BCAR1: variants seen among roughly 807,000 people sequenced by gnomAD.
BCAR1 encodes the protein breast cancer anti-estrogen resistance protein 1.
BCAR1 carries 30 observed loss-of-function variants against 67.6 expected under a neutral mutation model. The ratio of observed to expected loss-of-function variants is 0.44; its 90% CI spans 0.33 to 0.60. BCAR1 has a LOEUF of 0.60. BCAR1 is among the 20% of genes least tolerant of loss of function. BCAR1 has a pLI of 0.02. For synonymous variants in BCAR1, 626 were observed against 556.7 expected (o/e 1.12, Z -1.75); for missense variants, 1,313 against 1,222.3 (o/e 1.07, Z -1.11).
At position 75,243,484 on chromosome 16, in the gene BCAR1, C is replaced by A. The variant is rs775187545; in HGVS notation, c.13-394G>T. 10 of 536,016 alleles carry A rather than the reference C, an allele frequency of 1.9e-5. No individual in the cohort carries two copies. In the East Asian group the frequency reaches 4.6e-4, roughly 24 times the overall value. 33.2% of individuals were successfully genotyped at this position (536,016 alleles called of 1,614,324 possible). ...AAACAAATAGCAAATGGTTCTCTCT[C>A]GAGGTGCACGAAAATAATCTGACAA... is the stretch of plus-strand genomic sequence containing the variant. On this transcript the variant is annotated intron_variant, in intron 1 of 6. Transcript: ENST00000162330.
At chr16:75,250,915 G>A (rs1017802371) in intron 1 of BCAR1, 9 of 985,486 alleles carry the variant, frequency 9.1e-6, no homozygotes, top group Non-Finnish European at 1.1e-5. Flanking sequence ...CTCCGCTCCC[G>A]GAACCCCGCG....
chr16:75,247,943 A>C, intron 1 of BCAR1: 1 of 791,396 alleles, frequency 1.3e-6, no homozygotes, highest in Non-Finnish European at 2.2e-6. Context: ...ACTTGTCACT[A>C]AGTTCACAAT....
rs966207615 is a variant in BCAR1, at chr16:75,229,839, A to G, written c.2285T>C (p.Val762Ala). 49 of 1,613,294 alleles carry G rather than the reference A, an allele frequency of 3.0e-5. No homozygotes were observed. Among genetic ancestry groups the G allele is most frequent in the Non-Finnish European group, 4.1e-5 (48 of 1,179,996 alleles). The part of the protein sequence containing the change: ...EANLTTLTNA[V>A]DAFFTAVATN... ...GGCCACGGCGGTAAAGAAGGCGTCC[A>G]CGGCGTTGGTCAGTGTGGTCAGGTT... The change falls in exon 7 of 7, where the codon GTG becomes GCG. Residue 762 changes from valine (V) to alanine (A), a missense_variant. By Grantham distance (64) the Val-to-Ala change is moderately conservative (BLOSUM62 0). Coordinates refer to ENST00000162330, the MANE Select transcript of BCAR1 (RefSeq NM_014567.5).
chr16:75,238,284 C>G (rs1003858564), intron 2 of BCAR1: 28 of 1,156,326 alleles, frequency 2.4e-5, no homozygotes, highest in Non-Finnish European at 2.7e-5. Context: ...GATTCTCCAG[C>G]CCCCGGGCAC....
At chr16:75,243,542 A>G in intron 1 of BCAR1, 1 of 489,066 alleles carries the variant, frequency 2.0e-6, no homozygotes, top group Non-Finnish European at 4.0e-6. Context: ...AAAAATGAAC[A>G]ACAATAAGAC....
rs1406403194 is a variant in BCAR1 at position 75,238,820 on chromosome 16, C to T, written c.634-1476G>A. ...CCTGCCAACAGCGGGGCAGGCGGGG[C>T]GGAGGGACGTGGCAGGTTGGCTGGG... On this transcript the variant is annotated intron_variant, in intron 2 of 6. Coordinates refer to ENST00000162330, the MANE Select transcript of BCAR1 (RefSeq NM_014567.5). 1.7e-5 allele frequency: 17 copies of T among 985,304 alleles called. 1 individual carries two copies. The highest frequency in any genetic ancestry group is 1.9e-5 in the Non-Finnish European group (16 of 829,928). The allele number at this position is 985,304 out of a possible 1,614,324, so 61.0% of individuals were successfully genotyped here.
chr16:75,249,832 G>C (rs998421663), intron 1 of BCAR1: 1 of 152,258 alleles, frequency 6.6e-6, no homozygotes, highest in African/African-American at 2.4e-5. Flanking sequence ...AAGGACCAGA[G>C]CTCCCCCAAT....
chr16:75,236,001 G>C lies in BCAR1; in HGVS notation c.913-15C>G, dbSNP rs750642190. On this transcript the variant is annotated splice_polypyrimidine_tract_variant and intron_variant, in intron 4 of 6. Coordinates refer to ENST00000162330, the MANE Select transcript of BCAR1 (RefSeq NM_014567.5). ...ACGTCGTAGACCTGGGGGACAAGCG[G>C]TGGTCAAGACTGTCCATCTGTCCAT... The C allele has an allele frequency of 5.8e-6, 9 of 1,558,690 alleles. No individual in the cohort carries two copies. The highest frequency in any genetic ancestry group is 7.8e-6 in the Non-Finnish European group (9 of 1,151,546).
rs917561486 is a variant in BCAR1, at chr16:75,237,534, A to G, written c.634-190T>C. On this transcript the variant is annotated intron_variant, in intron 2 of 6. Transcript: ENST00000162330. ...CCTTCCTCTAGCAGAACGCAGTGCCAGGTACGGCAAGAACTCTGGGTTTTA... is the reference window on the plus strand; with the variant it reads ...CCTTCCTCTAGCAGAACGCAGTGCCGGGTACGGCAAGAACTCTGGGTTTTA... 8 of 636,894 alleles carry G rather than the reference A, an allele frequency of 1.3e-5. No individual in the cohort carries two copies. In the African/African-American group the frequency reaches 1.5e-4, roughly 12 times the overall value. 39.5% of individuals were successfully genotyped at this position (636,894 alleles called of 1,614,324 possible).
chr16:75,266,011 C>T (rs1315026256), intron 1 of BCAR1: 5 of 1,027,686 alleles, frequency 4.9e-6, no homozygotes, highest in Admixed American at 5.7e-5. Context: ...CGCGCATGCG[C>T]CGCCCGCGCC....
chr16:75,242,322 A>C lies in BCAR1; in HGVS notation c.633+148T>G, dbSNP rs573727909. ...TCCCCGGACAAATGAACACCCCCCA[A>C]ACACTCACTTCCCACTTTGACCCCA... is the stretch of plus-strand genomic sequence containing the variant. On this transcript the variant is annotated intron_variant, in intron 2 of 6. Transcript: ENST00000162330. 84 of 1,251,886 alleles carry C rather than the reference A, an allele frequency of 6.7e-5. No homozygotes were observed. In the African/African-American group the frequency reaches 1.0e-3, roughly 16 times the overall value. The allele number at this position is 1,251,886 out of a possible 1,614,324, so 77.5% of individuals were successfully genotyped here.
chr16:75,228,842 G>A lies in BCAR1; in HGVS notation c.*669C>T, dbSNP rs1349229775. 1 of 152,374 alleles carries A rather than the reference G, an allele frequency of 6.6e-6. No individual in the cohort carries two copies. Among genetic ancestry groups the A allele is most frequent in the South Asian group, 2.1e-4 (1 of 4,842 alleles). 9.4% of individuals were successfully genotyped at this position (152,374 alleles called of 1,614,324 possible). A position where few individuals can be genotyped will look rare whatever the true frequency, so the allele number is the denominator to read the frequency against. The stretch of plus-strand genomic sequence containing the variant: ...GCTCTGCCCTGGCTCCCAGGGCCTT[G>A]TGGCCAGCTGCAGGCCTCACCCCGC... On this transcript the variant is annotated 3_prime_UTR_variant, in exon 7 of 7. Transcript: ENST00000162330.
chr16:75,235,291 G>A lies in BCAR1; in HGVS notation c.1608C>T (p.Ala536=). 3 of 1,606,070 alleles carry A rather than the reference G, an allele frequency of 1.9e-6. 1 individual carries two copies. The highest frequency in any genetic ancestry group is 8.5e-7 in the Non-Finnish European group (1 of 1,174,698). ...GCTGCCGGCTAAGCTTGGCATGCAG[G>A]GCACGGTCAGATGTGTGGGCAGCAT... ...VGNAAHTSDR[A]LHAKLSRQLQ... is the part of the protein sequence containing the mutation. The change falls in exon 5 of 7, where the codon GCC becomes GCT. Residue 536 remains alanine (A), a synonymous_variant. Coordinates refer to ENST00000162330, the MANE Select transcript of BCAR1 (RefSeq NM_014567.5).
intron 6 of BCAR1, among the ~76,000 whole-genome samples, chr16:75,232,710 T>C (rs1597162120): frequency 6.6e-6 from 1 of 152,288 alleles, no homozygotes; most frequent in South Asian, 2.1e-4. Context: ...GCCACCGTTC[T>C]GAGATGTCAA....
intron 6 of BCAR1, 69 bp from the exon 7 acceptor site, chr16:75,230,092 G>C: frequency 6.7e-7 from 1 of 1,502,202 alleles, no homozygotes; most frequent in Non-Finnish European, 8.9e-7. Flanking sequence ...CCGAGACCTG[G>C]GCACCCTGGG....
chr16:75,249,308 T>C (rs1390862093), intron 1 of BCAR1: 3 of 152,212 alleles, frequency 2.0e-5, no homozygotes, highest in African/African-American at 4.8e-5. Context: ...TCAAGGAGGC[T>C]AGACCCACCC....
chr16:75,256,964 C>G (rs183800392), intron 1 of BCAR1, among the ~76,000 whole-genome samples: 1 of 152,188 alleles, frequency 6.6e-6, no homozygotes, highest in African/African-American at 2.4e-5. Context: ...ACCAGGTCCT[C>G]CTCCTGAATC....
chr16:75,251,349 G>A, intron 1 of BCAR1, 122 bp downstream of exon 1: 3 of 1,341,378 alleles, frequency 2.2e-6, no homozygotes, highest in East Asian at 3.3e-5. Context: ...CCAGGGCCGC[G>A]GACCCCGGCC....
rs536353734 is a variant in BCAR1 at position 75,243,219 on chromosome 16, C to A, written c.13-129G>T. The A allele has an allele frequency of 5.9e-6, 6 of 1,015,608 alleles. No homozygotes were observed. The South Asian group carries it at 6.7e-5, about 11-fold the overall frequency. 62.9% of individuals were successfully genotyped at this position (1,015,608 alleles called of 1,614,324 possible). Reference sequence around the variant, plus strand: ...AGGAAAAGAACTCAGTGGAGTTTGGCGAGATCATTGTGCCTTTGCCTCCAC... The same window carrying A: ...AGGAAAAGAACTCAGTGGAGTTTGGAGAGATCATTGTGCCTTTGCCTCCAC... On this transcript the variant is annotated intron_variant, in intron 1 of 6. Transcript: ENST00000162330.
Sources: gnomAD v4.1 joint callset for allele counts (sites outside exome capture counted in the v4.1 genomes callset) on GRCh38, gnomAD v4.1.1 for gene constraint, MANE v1.5 for transcripts, NCBI Gene and HGNC (gene_info 2026-07-23, HGNC 2026-07-21) for gene names.